Variants in TBC1D22A observed in about 807,000 individuals in gnomAD.
TBC1D22A encodes putative GTPase activator.
TBC1D22A carries 38 observed loss-of-function variants against 60.2 expected under a neutral mutation model. The ratio of observed to expected loss-of-function variants is 0.63; its 90% CI spans 0.49 to 0.83. TBC1D22A has a LOEUF of 0.83. Among genes scored for constraint, TBC1D22A ranks in the 40% least tolerant of loss-of-function variants. The pLI is 0.00. For synonymous variants in TBC1D22A, 302 were observed against 281.7 expected, an observed-to-expected ratio of 1.07 and a Z score of -0.72; for missense variants, 628 against 701.0, an observed-to-expected ratio of 0.90 and a Z score of 1.18.
chr22:47,139,932 CTTGA>C, intron 12 of TBC1D22A, among the ~76,000 whole-genome samples: 1 of 152,376 alleles, frequency 6.6e-6, no homozygotes, highest in South Asian at 2.1e-4. Flanking sequence ...CACTGTCAGT[CTTGA>C]TTAAGATCCC....
intron 11 of TBC1D22A, among the ~76,000 whole-genome samples, chr22:47,049,350 G>A (rs1037603903): frequency 3.9e-5 from 6 of 152,232 alleles, no homozygotes; most frequent in African/African-American, 1.4e-4. Context: ...ATGGGCGCTG[G>A]GTTCACGTCC....
chr22:46,908,955 T>C (rs890162993), intron 7 of TBC1D22A, among the ~76,000 whole-genome samples: 17 of 152,178 alleles, frequency 1.1e-4, no homozygotes, highest in Non-Finnish European at 2.5e-4. Flanking sequence ...AGGCTCCTGC[T>C]GTGGAACCGA....
At chr22:46,996,502 C>T (rs1163901659) in intron 9 of TBC1D22A, among the ~76,000 whole-genome samples, 3 of 152,258 alleles carry the variant, frequency 2.0e-5, no homozygotes, top group Non-Finnish European at 4.4e-5. Context: ...TTAGTTCCAC[C>T]TGCAACCCTG....
chr22:47,139,219 C>T (rs1051442801), intron 12 of TBC1D22A, among the ~76,000 whole-genome samples: 1 of 152,228 alleles, frequency 6.6e-6, no homozygotes, highest in Admixed American at 6.5e-5. Flanking sequence ...CAGTCAGGCA[C>T]AGAACACTGA....
chr22:46,809,620 G>C (rs2085298845), intron 4 of TBC1D22A, among the ~76,000 whole-genome samples: 1 of 152,116 alleles, frequency 6.6e-6, no homozygotes, highest in South Asian at 2.1e-4. Flanking sequence ...ACAGGACCAT[G>C]GGCTTTGGGG....
At chr22:47,143,423 A>G (rs1338509219) in intron 12 of TBC1D22A, among the ~76,000 whole-genome samples, 1 of 152,258 alleles carries the variant, frequency 6.6e-6, no homozygotes, top group Non-Finnish European at 1.5e-5. Context: ...ATTAGGAAGT[A>G]GAAGCCCTGC....
At chr22:46,766,868 A>T (rs1381803435) in intron 1 of TBC1D22A, among the ~76,000 whole-genome samples, 3 of 152,102 alleles carry the variant, frequency 2.0e-5, no homozygotes, top group Admixed American at 2.0e-4. Context: ...CCTGAACTAA[A>T]GTCCCCCTTT....
chr22:46,942,445 A>T (rs775382810), intron 8 of TBC1D22A, among the ~76,000 whole-genome samples: 2 of 152,200 alleles, frequency 1.3e-5, no homozygotes, highest in Non-Finnish European at 2.9e-5. Context: ...CTCTGGTCAC[A>T]GCGTTTCAGC....
intron 11 of TBC1D22A, among the ~76,000 whole-genome samples, chr22:47,062,087 C>CAAAAAAAAAAAAAAA (rs908701365): frequency 4.8e-5 from 3 of 63,002 alleles, no homozygotes; most frequent in Non-Finnish European, 5.5e-5. Flanking sequence ...GACTCCATCT[C>CAAAAAAAAAAAAAAA]AAAAAAAAAA....
At chr22:46,855,215 G>A (rs147732930) in intron 4 of TBC1D22A, among the ~76,000 whole-genome samples, 7 of 152,276 alleles carry the variant, frequency 4.6e-5, no homozygotes, top group African/African-American at 7.2e-5. Context: ...TGTGCCCAAG[G>A]TGTCTGCTTT....
At chr22:46,981,767 G>A (rs2074521407) in intron 9 of TBC1D22A, among the ~76,000 whole-genome samples, 1 of 152,176 alleles carries the variant, frequency 6.6e-6, no homozygotes, top group Admixed American at 6.5e-5. Flanking sequence ...CCCAGTCTCG[G>A]GCAGTTCTTT....
intron 8 of TBC1D22A, among the ~76,000 whole-genome samples, chr22:46,949,804 GC>G (rs1646576780): frequency 6.6e-6 from 1 of 152,210 alleles, no homozygotes; most frequent in South Asian, 2.1e-4. Flanking sequence ...GCCTCACTGA[GC>G]CGGTCAGCAG....
At chr22:46,879,089 T>C (rs1050951514) in intron 5 of TBC1D22A, among the ~76,000 whole-genome samples, 2 of 151,500 alleles carry the variant, frequency 1.3e-5, no homozygotes, top group African/African-American at 4.8e-5. Flanking sequence ...TCAAATATGC[T>C]GAAAACAAGG....
At chr22:47,001,865 T>G (rs759808696) in intron 10 of TBC1D22A, among the ~76,000 whole-genome samples, 2 of 152,238 alleles carry the variant, frequency 1.3e-5, no homozygotes, top group Non-Finnish European at 2.9e-5. Flanking sequence ...TTGTTTTATG[T>G]TAGAATAGGG....
chr22:46,772,152 CATAT>C (rs1314707539), intron 1 of TBC1D22A, among the ~76,000 whole-genome samples: 1 of 6,504 alleles, frequency 1.5e-4, no homozygotes, highest in Non-Finnish European at 3.0e-4. Flanking sequence ...CACACATATA[CATAT>C]ATATGTATAC....
At chr22:47,078,890 G>A (rs1435716573) in intron 11 of TBC1D22A, among the ~76,000 whole-genome samples, 1 of 152,052 alleles carries the variant, frequency 6.6e-6, no homozygotes, top group East Asian at 1.9e-4. Flanking sequence ...AGAGTATTGG[G>A]GTGGAAAGGC....
chr22:46,851,710 G>T (rs2087286253), intron 4 of TBC1D22A, among the ~76,000 whole-genome samples: 1 of 152,228 alleles, frequency 6.6e-6, no homozygotes, highest in African/African-American at 2.4e-5. Flanking sequence ...AGATGCCACT[G>T]GGAGAAGAAT....
chr22:46,882,237 C>A (rs992212191), intron 5 of TBC1D22A, among the ~76,000 whole-genome samples: 1 of 152,184 alleles, frequency 6.6e-6, no homozygotes, highest in Admixed American at 6.5e-5. Flanking sequence ...TGCTGTGAAC[C>A]ATGCAGTCCA....
intron 4 of TBC1D22A, among the ~76,000 whole-genome samples, chr22:46,870,390 C>T (rs189483357): frequency 1.4e-3 from 215 of 152,306 alleles, no homozygotes; most frequent in Non-Finnish European, 2.7e-3. Context: ...TGAAAATATT[C>T]CAAAGTTTCA....
Sources: allele counts gnomAD v4.1 joint callset (sites outside exome capture counted in the v4.1 genomes callset), GRCh38; gene constraint gnomAD v4.1.1; transcripts MANE v1.5; gene names NCBI Gene and HGNC (gene_info 2026-07-23, HGNC 2026-07-21).